TNKS: variants seen among roughly 807,000 people sequenced by gnomAD.
TNKS encodes poly [ADP-ribose] polymerase tankyrase-1.
Under a neutral mutation model 135.8 loss-of-function variants are expected in TNKS, and 72 were observed. The ratio of observed to expected loss-of-function variants is 0.53; its 90% CI spans 0.44 to 0.64. TNKS has a LOEUF of 0.64. Among genes scored for constraint, TNKS ranks in the 30% least tolerant of loss-of-function variants. TNKS has a pLI of 0.00. For synonymous variants in TNKS, 849 were observed against 649.3 expected (o/e 1.31, Z -4.68); for missense variants, 1,769 against 1,674.0 (o/e 1.06, Z -0.99).
chr8:9,635,844 C>G (rs867204339), intron 3 of TNKS, among the ~76,000 whole-genome samples: 5 of 152,102 alleles, frequency 3.3e-5, no homozygotes, highest in African/African-American at 9.7e-5. Flanking sequence ...TGAGGAATTA[C>G]TCCAAATCAA....
intron 3 of TNKS, among the ~76,000 whole-genome samples, chr8:9,620,356 C>T (rs566282143): frequency 1.3e-5 from 2 of 152,292 alleles, no homozygotes; most frequent in East Asian, 3.9e-4. Flanking sequence ...ACTGCTTTAG[C>T]CCTGGGCCAC....
At chr8:9,579,466 A>C (rs1472296659) in intron 1 of TNKS, among the ~76,000 whole-genome samples, 3 of 151,820 alleles carry the variant, frequency 2.0e-5, no homozygotes, top group Non-Finnish European at 2.9e-5. Flanking sequence ...TTATTTATTT[A>C]TTTTTATTTT....
intron 20 of TNKS, among the ~76,000 whole-genome samples, chr8:9,759,055 G>C (rs574402371): frequency 6.6e-6 from 1 of 152,140 alleles, no homozygotes; most frequent in Non-Finnish European, 1.5e-5. Flanking sequence ...TGTATAACAT[G>C]GTTTCTTGCT....
chr8:9,634,893 C>T (rs963298891), intron 3 of TNKS, among the ~76,000 whole-genome samples: 10 of 152,102 alleles, frequency 6.6e-5, no homozygotes, highest in Non-Finnish European at 1.3e-4. Flanking sequence ...TAATGAACTG[C>T]TCGGCCGGGC....
At chr8:9,556,970 TTTG>T in intron 1 of TNKS, 3 of 434,776 alleles carry the variant, frequency 6.9e-6, no homozygotes, top group Non-Finnish European at 1.2e-5. Context: ...GCTAGTTTAT[TTTG>T]TTTTTACAAG....
intron 16 of TNKS, 96 bp downstream of exon 16, chr8:9,735,180 C>G (rs1038218410): frequency 2.2e-5 from 28 of 1,274,610 alleles, no homozygotes; most frequent in Non-Finnish European, 3.0e-5. Context: ...ACAAATGGGA[C>G]TACTTAGTAA....
At chr8:9,687,475 G>GA (rs2128800144) in intron 5 of TNKS, among the ~76,000 whole-genome samples, 1 of 152,258 alleles carries the variant, frequency 6.6e-6, no homozygotes. Flanking sequence ...ATGAGGACTT[G>GA]AAAATGTCTT....
At chr8:9,668,769 A>G (rs1292311552) in intron 3 of TNKS, among the ~76,000 whole-genome samples, 2 of 152,188 alleles carry the variant, frequency 1.3e-5, no homozygotes, top group Non-Finnish European at 2.9e-5. Flanking sequence ...TGCAAGGTGT[A>G]TTTGGGTAAA....
chr8:9,651,799 G>A (rs1430415712), intron 3 of TNKS, among the ~76,000 whole-genome samples: 1 of 152,126 alleles, frequency 6.6e-6, no homozygotes, highest in Non-Finnish European at 1.5e-5. Flanking sequence ...GTCATTATCA[G>A]CCAGGCAAAT....
At chr8:9,633,592 C>T (rs1344124134) in intron 3 of TNKS, among the ~76,000 whole-genome samples, 1 of 152,200 alleles carries the variant, frequency 6.6e-6, no homozygotes, top group Admixed American at 6.5e-5. Context: ...AAGAGTTTTT[C>T]TGTGTGACCA....
intron 3 of TNKS, among the ~76,000 whole-genome samples, chr8:9,617,982 T>C (rs549591890): frequency 5.0e-4 from 63 of 127,214 alleles, no homozygotes; most frequent in African/African-American, 1.7e-3. Context: ...ATCTCTTTTT[T>C]GGTTTTTTTT....
At chr8:9,740,770 C>T (rs1240126616) in intron 17 of TNKS, 1 of 150,546 alleles carries the variant, frequency 6.6e-6, no homozygotes, top group African/African-American at 2.4e-5. Context: ...AAAGACTTAG[C>T]ATGCTAAATA....
intron 21 of TNKS, 67 bp from the exon 22 acceptor site, chr8:9,763,080 T>C: frequency 1.6e-6 from 1 of 629,892 alleles, no homozygotes; most frequent in East Asian, 3.3e-5. Context: ...TTTTTTTTTT[T>C]TTTTTATAAA....
chr8:9,627,479 T>C (rs760675180), intron 3 of TNKS, among the ~76,000 whole-genome samples: 2 of 152,080 alleles, frequency 1.3e-5, no homozygotes, highest in Non-Finnish European at 1.5e-5. Flanking sequence ...TGGCATCTAA[T>C]GCTGTCTCCA....
intron 20 of TNKS, among the ~76,000 whole-genome samples, chr8:9,757,192 G>A (rs751632642): frequency 5.3e-5 from 8 of 152,014 alleles, no homozygotes; most frequent in Non-Finnish European, 1.2e-4. Context: ...GGTCAGGCTG[G>A]TCTCAAACTC....
chr8:9,657,844 C>T (rs1213027893), intron 3 of TNKS, among the ~76,000 whole-genome samples: 61 of 147,880 alleles, frequency 4.1e-4, no homozygotes, highest in East Asian at 8.2e-4. Context: ...ACTTCTCAGA[C>T]GGGGCAGCTG....
chr8:9,756,555 T>C (rs1027707413), intron 20 of TNKS, among the ~76,000 whole-genome samples: 2 of 152,072 alleles, frequency 1.3e-5, no homozygotes, highest in South Asian at 2.1e-4. Context: ...AATTTAAATA[T>C]GATTTTCAGA....
At chr8:9,598,777 A>G (rs1166425941) in intron 2 of TNKS, among the ~76,000 whole-genome samples, 674 of 29,198 alleles carry the variant, frequency 0.023, 35 homozygotes, top group Middle Eastern at 0.031. Flanking sequence ...ATATATATAT[A>G]TATATATATA....
At chr8:9,665,290 G>A (rs570217641) in intron 3 of TNKS, among the ~76,000 whole-genome samples, 1 of 152,324 alleles carries the variant, frequency 6.6e-6, no homozygotes, top group Admixed American at 6.5e-5. Context: ...TATTTGAACA[G>A]TTGACTGTTT....
Sources: gnomAD v4.1 joint callset for allele counts (sites outside exome capture counted in the v4.1 genomes callset) on GRCh38, gnomAD v4.1.1 for gene constraint, MANE v1.5 for transcripts, NCBI Gene and HGNC (gene_info 2026-07-23, HGNC 2026-07-21) for gene names.